The following EYS variants were observed in gnomAD, a reference collection of about 807,000 sequenced individuals.
EYS encodes EGF-like photoreceptor maintenance factor.
EYS carries 250 observed loss-of-function variants against 282.1 expected under a neutral mutation model. The ratio of observed to expected loss-of-function variants is 0.89; its 90% CI spans 0.80 to 0.98. The LOEUF (loss-of-function observed/expected upper bound fraction) is 0.98. Ranked by LOEUF, EYS falls within the 50% of genes least tolerant of loss-of-function variation. The pLI, the probability that EYS is intolerant of heterozygous loss-of-function variation, is 0.00. For synonymous variants in EYS, 1,355 were observed against 1,282.9 expected (o/e 1.06, Z -1.20); for missense variants, 4,016 against 3,709.0 (o/e 1.08, Z -2.15).
intron 32 of EYS, among the ~76,000 whole-genome samples, chr6:64,073,036 T>A (rs1048804802): frequency 5.3e-5 from 8 of 151,936 alleles, no homozygotes; most frequent in Admixed American, 5.3e-4. Flanking sequence ...ATGACAGAGA[T>A]GAATAGTCTT....
At chr6:64,824,224 A>G (rs1457637921) in intron 19 of EYS, among the ~76,000 whole-genome samples, 1 of 151,880 alleles carries the variant, frequency 6.6e-6, no homozygotes. Flanking sequence ...GTGGCTCTTA[A>G]GTCTTTCACC....
At chr6:65,686,760 TG>T (rs1157096867) in intron 1 of EYS, among the ~76,000 whole-genome samples, 1 of 152,094 alleles carries the variant, frequency 6.6e-6, no homozygotes, top group African/African-American at 2.4e-5. Context: ...AGCCATGTGT[TG>T]TATACATAAA....
At chr6:65,672,468 C>T (rs1387420162) in intron 1 of EYS, among the ~76,000 whole-genome samples, 1 of 152,092 alleles carries the variant, frequency 6.6e-6, no homozygotes, top group Admixed American at 6.6e-5. Context: ...GTAGCTGGGT[C>T]ATTTCAAGAA....
intron 41 of EYS, among the ~76,000 whole-genome samples, chr6:63,760,718 A>C (rs1769617185): frequency 1.3e-5 from 2 of 151,654 alleles, no homozygotes. Flanking sequence ...CTATCTATAC[A>C]TCCATTCATC....
intron 29 of EYS, among the ~76,000 whole-genome samples, chr6:64,341,565 C>T (rs1489885196): frequency 6.6e-6 from 1 of 151,674 alleles, no homozygotes; most frequent in Non-Finnish European, 1.5e-5. Flanking sequence ...GAGAGGAGTA[C>T]ATGGGTGGAA....
intron 9 of EYS, among the ~76,000 whole-genome samples, chr6:65,344,468 A>G (rs1190729952): frequency 6.6e-6 from 1 of 151,590 alleles, no homozygotes; most frequent in Non-Finnish European, 1.5e-5. Context: ...ATTAATAATT[A>G]TAAGAAAGGA....
At chr6:63,741,945 G>A in intron 41 of EYS, 1 of 702,328 alleles carries the variant, frequency 1.4e-6, no homozygotes. Context: ...TGCTGGTTTT[G>A]GCTTTTCCAA....
intron 31 of EYS, among the ~76,000 whole-genome samples, chr6:64,167,582 G>T (rs1764332831): frequency 6.6e-6 from 1 of 152,084 alleles, no homozygotes; most frequent in African/African-American, 2.4e-5. Context: ...TTTAGAATCT[G>T]GCTGACTCTG....
intron 12 of EYS, among the ~76,000 whole-genome samples, chr6:65,290,963 A>G (rs1768509019): frequency 6.6e-6 from 1 of 151,490 alleles, no homozygotes; most frequent in African/African-American, 2.4e-5. Flanking sequence ...TACTCTCACC[A>G]TTAATATTGT....
intron 29 of EYS, among the ~76,000 whole-genome samples, chr6:64,351,914 C>G (rs951904399): frequency 6.6e-6 from 1 of 151,460 alleles, no homozygotes; most frequent in Non-Finnish European, 1.5e-5. Context: ...TGATTATTTA[C>G]TATATCAGGG....
At chr6:64,577,951 A>G (rs1225030805) in intron 26 of EYS, among the ~76,000 whole-genome samples, 1 of 152,128 alleles carries the variant, frequency 6.6e-6, no homozygotes, top group South Asian at 2.1e-4. Context: ...CAAAATAAAA[A>G]TAATCCAATG....
At chr6:63,842,864 A>AT (rs1362062524) in intron 36 of EYS, among the ~76,000 whole-genome samples, 16 of 152,182 alleles carry the variant, frequency 1.1e-4, no homozygotes, top group East Asian at 7.7e-4. Context: ...TAAATAGGGA[A>AT]TTTTTTCCCC....
In EYS at chr6:64,840,619, T is replaced by C. The variant is rs146383168; in HGVS notation, c.2993-17797A>G. 4.0e-3 allele frequency among the ~76,000 whole-genome samples: 612 copies of C among 152,222 alleles called. 1 individual carries two copies. The highest frequency in any genetic ancestry group is 6.1e-3 in the Non-Finnish European group (414 of 67,998). On this transcript the variant is annotated intron_variant, in intron 19 of 42. Transcript: ENST00000503581. Reference sequence around the variant, plus strand: ...TGTTGTGGATAACACTGAACCCTCATTGCTCGTTGAGAACTAAAGGTAAAT... The same window carrying C: ...TGTTGTGGATAACACTGAACCCTCACTGCTCGTTGAGAACTAAAGGTAAAT...
chr6:65,199,626 A>C (rs554563693), intron 12 of EYS, among the ~76,000 whole-genome samples: 5 of 152,262 alleles, frequency 3.3e-5, no homozygotes, highest in Admixed American at 3.3e-4. Flanking sequence ...ATGAGATGAA[A>C]GATGTAGATA....
At chr6:65,313,955 G>A (rs1200184602) in intron 11 of EYS, among the ~76,000 whole-genome samples, 1 of 152,122 alleles carries the variant, frequency 6.6e-6, no homozygotes, top group African/African-American at 2.4e-5. Flanking sequence ...CCTCTGCAAC[G>A]ACTATTGTCC....
chr6:65,476,024 A>C (rs1335527262), intron 5 of EYS, among the ~76,000 whole-genome samples: 1 of 152,102 alleles, frequency 6.6e-6, no homozygotes, highest in African/African-American at 2.4e-5. Flanking sequence ...TATTTAAGTA[A>C]AATTTTGTCA....
At chr6:64,769,146 A>C (rs1212562572) in intron 22 of EYS, among the ~76,000 whole-genome samples, 1 of 152,150 alleles carries the variant, frequency 6.6e-6, no homozygotes, top group Non-Finnish European at 1.5e-5. Flanking sequence ...GTAATGGGAC[A>C]GCAACTAAAG....
chr6:65,450,804 C>T (rs904138578), intron 5 of EYS, among the ~76,000 whole-genome samples: 3 of 152,124 alleles, frequency 2.0e-5, no homozygotes, highest in African/African-American at 4.8e-5. Context: ...ACCTAAGAAA[C>T]ATTTAACATC....
intron 12 of EYS, among the ~76,000 whole-genome samples, chr6:65,265,086 T>A (rs1024185064): frequency 5.3e-5 from 8 of 152,010 alleles, no homozygotes; most frequent in African/African-American, 1.9e-4. Flanking sequence ...AATTGGAGAC[T>A]ATTAGTTGCA....
Sources: allele counts gnomAD v4.1 joint callset (sites outside exome capture counted in the v4.1 genomes callset), GRCh38; gene constraint gnomAD v4.1.1; transcripts MANE v1.5; gene names NCBI Gene and HGNC (gene_info 2026-07-23, HGNC 2026-07-21).